Variants in FRMPD4 observed in about 807,000 individuals in gnomAD.
The protein encoded by FRMPD4 is FERM and PDZ domain-containing protein 4.
FRMPD4 carries 22 observed loss-of-function variants against 94.1 expected under a neutral mutation model. The observed-to-expected ratio is 0.23, with a 90% CI of 0.17 to 0.33. The LOEUF is 0.33. Among genes scored for constraint, FRMPD4 ranks in the 10% least tolerant of loss-of-function variants. The probability of loss-of-function intolerance (pLI) is 1.00; values close to 1 mark genes in which losing one functional copy is unlikely to be tolerated. For synonymous variants in FRMPD4, 631 were observed against 548.6 expected (o/e 1.15, Z -2.10); for missense variants, 1,111 against 1,339.9 (o/e 0.83, Z 2.67).
intron 2 of FRMPD4, among the ~76,000 whole-genome samples, chrX:12,541,881 G>T (rs1199356758): frequency 2.7e-5 from 3 of 111,795 alleles, no homozygotes; most frequent in African/African-American, 6.5e-5. Context: ...ACATCAAAAA[G>T]CTTATCCACC....
chrX:11,902,519 A>C (rs2053944032), intron 3 of FRMPD4, among the ~76,000 whole-genome samples: 1 of 111,053 alleles, frequency 9.0e-6, no homozygotes, highest in Non-Finnish European at 1.9e-5. Context: ...CATCGTGGGG[A>C]CTCCAGCCTT....
exon 2 of FRMPD4, among the ~76,000 whole-genome samples, chrX:11,865,123 T>C (rs1047745889): frequency 7.1e-5 from 8 of 111,995 alleles, no homozygotes; most frequent in African/African-American, 2.6e-4. Flanking sequence ...AATAAGTTGA[T>C]TTAGTGACCT....
intron 1 of FRMPD4, among the ~76,000 whole-genome samples, chrX:12,235,787 A>G (rs1398615889): frequency 8.9e-6 from 1 of 112,135 alleles, no homozygotes; most frequent in African/African-American, 3.2e-5. Context: ...TTTTTGTCAG[A>G]AAGACACCCA....
intron 2 of FRMPD4, among the ~76,000 whole-genome samples, chrX:12,560,635 T>G (rs187459485): frequency 9.1e-6 from 1 of 110,041 alleles, no homozygotes; most frequent in African/African-American, 3.3e-5. Flanking sequence ...TGAATCTTTA[T>G]AAATTTGGCA....
intron 3 of FRMPD4, among the ~76,000 whole-genome samples, chrX:11,990,567 G>C (rs2054458313): frequency 8.9e-6 from 1 of 112,148 alleles, no homozygotes; most frequent in South Asian, 3.7e-4. Flanking sequence ...CCAAAGCAGA[G>C]AACTGGGCTT....
intron 3 of FRMPD4, among the ~76,000 whole-genome samples, chrX:12,091,630 G>A (rs753832885): frequency 7.2e-5 from 8 of 111,404 alleles, no homozygotes; most frequent in African/African-American, 9.8e-5. Flanking sequence ...GACATCAGTG[G>A]TTCTCATTCT....
chrX:12,293,782 A>T (rs919264425), intron 1 of FRMPD4, among the ~76,000 whole-genome samples: 5 of 112,332 alleles, frequency 4.5e-5, no homozygotes, highest in Non-Finnish European at 9.4e-5. Flanking sequence ...AAACACGGGG[A>T]TTGTTTTACA....
At chrX:12,340,780 T>C (rs7051462) in intron 1 of FRMPD4, among the ~76,000 whole-genome samples, 5,210 of 112,055 alleles carry the variant, frequency 0.046, 291 homozygotes, top group African/African-American at 0.16. Context: ...TTCCTTACCT[T>C]TGTTAGTTGC....
At chrX:12,100,739 C>A (rs1716408622) in intron 3 of FRMPD4, among the ~76,000 whole-genome samples, 1 of 112,110 alleles carries the variant, frequency 8.9e-6, no homozygotes, top group Non-Finnish European at 1.9e-5. Flanking sequence ...CTCTCAAGCT[C>A]TCCCCTTTCT....
chrX:12,396,895 C>T (rs1299342905), intron 1 of FRMPD4, among the ~76,000 whole-genome samples: 2 of 111,693 alleles, frequency 1.8e-5, no homozygotes, highest in Admixed American at 1.9e-4. Context: ...TAAACATAAT[C>T]CTTATATTTG....
chrX:12,315,325 A>G (rs2055097947), intron 1 of FRMPD4, among the ~76,000 whole-genome samples: 1 of 112,551 alleles, frequency 8.9e-6, no homozygotes, highest in Admixed American at 9.4e-5. Context: ...TCTTTTCATA[A>G]AAATAGTATT....
chrX:12,643,536 A>T (rs2059519439), intron 4 of FRMPD4, among the ~76,000 whole-genome samples: 1 of 112,132 alleles, frequency 8.9e-6, no homozygotes, highest in African/African-American at 3.2e-5. Flanking sequence ...AAGAGTCCAG[A>T]TAGGAAATAA....
chrX:12,492,504 T>C (rs1263991149), intron 1 of FRMPD4, among the ~76,000 whole-genome samples: 1 of 112,410 alleles, frequency 8.9e-6, no homozygotes, highest in African/African-American at 3.2e-5. Flanking sequence ...ATAGTGAAAC[T>C]CTTGATTAAT....
At chrX:12,061,529 A>G (rs1490841004) in intron 3 of FRMPD4, among the ~76,000 whole-genome samples, 2 of 111,861 alleles carry the variant, frequency 1.8e-5, no homozygotes, top group African/African-American at 6.5e-5. Context: ...GATGAAGTTA[A>G]CCAGTTAGGA....
In FRMPD4 at chrX:12,232,052, C is replaced by T. The variant is rs763721145; in HGVS notation, c.41+93040C>T. ...TGGAAGAGAAGACATAAATGAGGGC[C>T]GTCCCAAGCAAAACGGACTGTATGG... On this transcript the variant is annotated intron_variant, in intron 1 of 16. Transcript: ENST00000675598. Among the ~76,000 whole-genome samples the T allele has an allele frequency of 9.0e-5, 10 of 111,129 alleles. No homozygotes were observed. The South Asian group carries it at 3.9e-3, about 43-fold the overall frequency.
At chrX:12,596,746 C>G (rs182495948) in intron 2 of FRMPD4, among the ~76,000 whole-genome samples, 1 of 111,227 alleles carries the variant, frequency 9.0e-6, no homozygotes, top group African/African-American at 3.3e-5. Flanking sequence ...CAAACTTTAG[C>G]TTACTGCTAC....
At chrX:12,351,034 T>C (rs112516917) in intron 1 of FRMPD4, among the ~76,000 whole-genome samples, 4,025 of 110,206 alleles carry the variant, frequency 0.037, 194 homozygotes, top group African/African-American at 0.13. Flanking sequence ...ATTAGCTGGG[T>C]GTGGTGGCGC....
At chrX:11,830,430 T>C (rs1202831702) in intron 1 of FRMPD4, among the ~76,000 whole-genome samples, 2 of 111,323 alleles carry the variant, frequency 1.8e-5, no homozygotes, top group Non-Finnish European at 3.8e-5. Context: ...TGGCGACACA[T>C]GCACATTGGC....
At chrX:12,401,552 C>A (rs2056609319) in intron 1 of FRMPD4, among the ~76,000 whole-genome samples, 2 of 111,727 alleles carry the variant, frequency 1.8e-5, no homozygotes, top group African/African-American at 6.5e-5. Context: ...CTCTCCCTGT[C>A]TTTGGGAGGA....
Sources: allele counts gnomAD v4.1 joint callset (sites outside exome capture counted in the v4.1 genomes callset), GRCh38; gene constraint gnomAD v4.1.1; transcripts MANE v1.5; gene names NCBI Gene and HGNC (gene_info 2026-07-23, HGNC 2026-07-21).